Variants in ABHD16A observed in about 807,000 individuals in gnomAD.
ABHD16A encodes phosphatidylserine lipase ABHD16A.
A neutral mutation model predicts 89.8 loss-of-function variants in ABHD16A; 47 were observed. The ratio of observed to expected loss-of-function variants is 0.52; its 90% CI spans 0.41 to 0.67. The LOEUF (loss-of-function observed/expected upper bound fraction) is 0.67. Ranked by LOEUF, ABHD16A falls within the 30% of genes least tolerant of loss-of-function variation. ABHD16A has a pLI of 0.00. For synonymous variants in ABHD16A, 251 were observed against 280.4 expected, an observed-to-expected ratio of 0.90 and a Z score of 1.05; for missense variants, 580 against 734.6, an observed-to-expected ratio of 0.79 and a Z score of 2.43.
At chr6:31,694,543 C>T (rs1364397210) in intron 5 of ABHD16A, among the ~76,000 whole-genome samples, 1 of 152,036 alleles carries the variant, frequency 6.6e-6, no homozygotes, top group African/African-American at 2.4e-5. Context: ...GTGCCTGCCA[C>T]CACCATGCCC....
intron 2 of ABHD16A, 22 bp from the exon 3 acceptor site, chr6:31,701,362 A>C (rs780056038): frequency 6.4e-7 from 1 of 1,570,200 alleles, no homozygotes; most frequent in East Asian, 2.3e-5. Flanking sequence ...AGACAGGGAC[A>C]GGCAATCAAT....
chr6:31,700,963 C>A lies in ABHD16A; in HGVS notation c.322G>T (p.Ala108Ser). The A allele has an allele frequency of 1.2e-6, 2 of 1,613,962 alleles. No individual in the cohort carries two copies. Among genetic ancestry groups the A allele is most frequent in the Non-Finnish European group, 1.7e-6 (2 of 1,179,960 alleles). ...CTACCTCGGAGGCAGGCCACACCTG[C>A]CAGAAGTAGCAGCAATGTCCCAGCA... ...HYAGTLLLLL[A>S]GVACLRGIGR... Residue 108 changes from alanine to serine, a missense_variant, in exon 4 of 20, where the codon GCA (alanine) becomes TCA (serine). Around this residue, in one of 2 missense-constraint regions of ABHD16A, gnomAD observed 165 missense variants for 165.8 expected, o/e 1.00. Transcript: ENST00000395952.
chr6:31,688,558 G>A lies in ABHD16A; in HGVS notation c.1250+165C>T, dbSNP rs950125983. On this transcript the variant is annotated intron_variant, in intron 14 of 19. Coordinates refer to ENST00000395952, the MANE Select transcript of ABHD16A (RefSeq NM_021160.3). This position sits in a 1 kb window ranked among gnomAD's most constrained non-coding sequence, Gnocchi z 4.9. ...TCCTGAGGTGGTCCAGAGTCCCAGG[G>A]GACCTGGGAGGGGTTAGGCCAGTTG... 2.0e-5 allele frequency among the ~76,000 whole-genome samples: 3 copies of A among 152,220 alleles called. No individual in the cohort carries two copies. Among genetic ancestry groups the A allele is most frequent in the Admixed American group, 6.5e-5 (1 of 15,282 alleles).
rs1583678063 is a variant in ABHD16A at position 31,690,672 on chromosome 6, G to C, written c.844-70C>G. ...CTGAAAAACTCCCTTTGGGCAGGGA[G>C]GGCAGCCCATGAAGAGCTTTGCAGG... On this transcript the variant is annotated intron_variant, in intron 9 of 19. Coordinates refer to ENST00000395952, the MANE Select transcript of ABHD16A (RefSeq NM_021160.3). This position sits in a 1 kb window ranked among gnomAD's most constrained non-coding sequence, Gnocchi z 4.1. 8 of 1,423,002 alleles carry C rather than the reference G, an allele frequency of 5.6e-6. No homozygotes were observed. In the East Asian group the frequency reaches 1.8e-4, roughly 32 times the overall value. 88.1% of individuals were successfully genotyped at this position (1,423,002 alleles called of 1,614,324 possible).
rs1248158109 is a variant in ABHD16A at position 31,701,263 on chromosome 6, AC to A, written c.256+10del. Reference sequence around the variant, plus strand: ...CATTTGCTACCCCACCACCTTTGAAACCACACTGACCTTTCCTGTACAAGTA... The same window carrying A: ...CATTTGCTACCCCACCACCTTTGAAACACACTGACCTTTCCTGTACAAGTA... On this transcript the variant is annotated intron_variant, in intron 3 of 19. Transcript: ENST00000395952. 1 of 1,610,798 alleles carries A rather than the reference AC, an allele frequency of 6.2e-7. No individual in the cohort carries two copies. Among genetic ancestry groups the A allele is most frequent in the Non-Finnish European group, 8.5e-7 (1 of 1,177,440 alleles).
In ABHD16A at chr6:31,688,589, G is replaced by A. The variant is rs1803533635; in HGVS notation, c.1250+134C>T. On this transcript the variant is annotated intron_variant, in intron 14 of 19. Transcript: ENST00000395952. This position sits in a 1 kb window ranked among gnomAD's most constrained non-coding sequence, Gnocchi z 4.9. ...GGGAGGGGTTAGGCCAGTTGAGGTGGTGGCAGGGTCACTCAGGATGTGAGC... is the reference window on the plus strand; with the variant it reads ...GGGAGGGGTTAGGCCAGTTGAGGTGATGGCAGGGTCACTCAGGATGTGAGC... 9.2e-7 allele frequency: 1 copy of A among 1,082,920 alleles called. No homozygotes were observed. The highest frequency in any genetic ancestry group is 1.3e-6 in the Non-Finnish European group (1 of 745,262). 67.1% of individuals were successfully genotyped at this position (1,082,920 alleles called of 1,614,324 possible). A position where few individuals can be genotyped will look rare whatever the true frequency, so the allele number is the denominator to read the frequency against.
rs946278131 is a variant in ABHD16A at position 31,688,859 on chromosome 6, G to A, written c.1187-73C>T. The A allele has an allele frequency of 2.3e-5, 35 of 1,525,862 alleles. No individual in the cohort carries two copies. Among genetic ancestry groups the A allele is most frequent in the Non-Finnish European group, 3.0e-5 (33 of 1,114,760 alleles). 94.5% of individuals were successfully genotyped at this position (1,525,862 alleles called of 1,614,324 possible). ...CAACATAAAGGTCCTCACTATTCAC[G>A]GAGAAAGAAAACTGAGGCCCCCAGA... On this transcript the variant is annotated intron_variant, in intron 13 of 19. Transcript: ENST00000395952. This position sits in a 1 kb window ranked among gnomAD's most constrained non-coding sequence, Gnocchi z 4.9.
In ABHD16A at chr6:31,693,092, G is replaced by A. The variant is rs373511959; in HGVS notation, c.561C>T (p.Pro187=). 17 of 1,614,050 alleles carry A rather than the reference G, an allele frequency of 1.1e-5. No homozygotes were observed. In the African/African-American group the frequency reaches 1.6e-4, roughly 15 times the overall value. ...GGGTGTCTGCTGTCCCCCGGTGCAG[G>A]GGCTCTGGGCGAAGCAGGGCCACAC... ...RRGVALLRPE[P]LHRGTADTLL... is the part of the protein sequence containing the mutation. Residue 187 remains proline, a synonymous_variant, in exon 7 of 20, where the codon CCC becomes CCT. Transcript: ENST00000395952. The surrounding 1 kb of genome is among the most constrained non-coding windows in gnomAD (Gnocchi z 5.0).
Position 31,688,862 on chromosome 6 carries a change from G to C in ABHD16A, c.1187-76C>G. On this transcript the variant is annotated intron_variant, in intron 13 of 19. Transcript: ENST00000395952. This position sits in a 1 kb window ranked among gnomAD's most constrained non-coding sequence, Gnocchi z 4.9. ...CATAAAGGTCCTCACTATTCACGGAGAAAGAAAACTGAGGCCCCCAGACAA... is the reference window on the plus strand; with the variant it reads ...CATAAAGGTCCTCACTATTCACGGACAAAGAAAACTGAGGCCCCCAGACAA... The C allele has an allele frequency of 1.3e-6, 2 of 1,513,918 alleles. No individual in the cohort carries two copies. The highest frequency in any genetic ancestry group is 2.3e-5 in the South Asian group (2 of 86,192). The allele number at this position is 1,513,918 out of a possible 1,614,324, so 93.8% of individuals were successfully genotyped here.
At chr6:31,702,486 A>T in intron 1 of ABHD16A, 1 of 984,596 alleles carries the variant, frequency 1.0e-6, no homozygotes, top group Non-Finnish European at 1.4e-6. Flanking sequence ...TAAGAAGGAA[A>T]GAAAAGCATC....
intron 5 of ABHD16A, among the ~76,000 whole-genome samples, chr6:31,695,105 G>T (rs1583697514): frequency 1.3e-5 from 2 of 152,198 alleles, no homozygotes; most frequent in Non-Finnish European, 2.9e-5. Context: ...GCTCCATAGT[G>T]TGGAGTAGCC....
rs775809662 is a variant in ABHD16A, at chr6:31,690,084, T to A, written c.951A>T (p.Gly317=). Residue 317 remains glycine, a synonymous_variant, in exon 11 of 20, where the codon GGA becomes GGT. Coordinates refer to ENST00000395952, the MANE Select transcript of ABHD16A (RefSeq NM_021160.3). The surrounding 1 kb of genome is among the most constrained non-coding windows in gnomAD (Gnocchi z 4.1). ...VLGWNHPGFA[G]STGVPFPQNE... ...ATTCCTGAGATGGTCTCACCGTGCT[T>A]CCAGCAAAGCCTGGATGATTCCAGC... is the stretch of plus-strand genomic sequence containing the variant. 5 of 1,598,436 alleles carry A rather than the reference T, an allele frequency of 3.1e-6. 1 individual carries two copies. In the South Asian group the frequency reaches 5.6e-5, roughly 18 times the overall value.
chr6:31,689,975 G>A, intron 11 of ABHD16A, 103 bp downstream of exon 11: 1 of 1,333,744 alleles, frequency 7.5e-7, no homozygotes, highest in Non-Finnish European at 1.0e-6. Context: ...AGGTGAGTGG[G>A]ACGCCTTCAA....
chr6:31,703,207 G>T lies in ABHD16A; in HGVS notation c.75C>A (p.Ala25=), dbSNP rs767766735. Residue 25 remains alanine (A), a synonymous_variant, in exon 1 of 20, where the codon GCC becomes GCA. Transcript: ENST00000395952. ...TTGGCGTCTCAGGGACGCTGGCCGG[G>T]GCCCTTTCAGAGTCCCTCTCCCGGT... ...KIYRERDSER[A]PASVPETPTA... 4 of 1,443,940 alleles carry T rather than the reference G, an allele frequency of 2.8e-6. No individual in the cohort carries two copies. The highest frequency in any genetic ancestry group is 3.7e-6 in the Non-Finnish European group (4 of 1,089,324). The allele number at this position is 1,443,940 out of a possible 1,614,324, so 89.4% of individuals were successfully genotyped here. A position where few individuals can be genotyped will look rare whatever the true frequency, so the allele number is the denominator to read the frequency against.
chr6:31,696,290 C>T (rs1196906934), intron 5 of ABHD16A, among the ~76,000 whole-genome samples: 1 of 150,762 alleles, frequency 6.6e-6, no homozygotes, highest in Non-Finnish European at 1.5e-5. Flanking sequence ...GAGATTGTAC[C>T]ACTATACTCC....
intron 4 of ABHD16A, among the ~76,000 whole-genome samples, chr6:31,699,879 G>T (rs1244261094): frequency 6.6e-6 from 1 of 152,064 alleles, no homozygotes; most frequent in South Asian, 2.1e-4. Context: ...GAATAGCTGG[G>T]ATTACAGGTG....
intron 7 of ABHD16A, chr6:31,692,202 C>T (rs142759013): frequency 1.1e-5 from 4 of 362,154 alleles, no homozygotes; most frequent in Middle Eastern, 1.5e-3. Flanking sequence ...ACTGTCTATA[C>T]ATAATAAGTA....
chr6:31,703,017 G>C, intron 1 of ABHD16A, 133 bp downstream of exon 1: 1 of 1,355,846 alleles, frequency 7.4e-7, no homozygotes, highest in Non-Finnish European at 9.5e-7. Context: ...AGCACACAGA[G>C]CGCAGATTTT....
Position 31,687,976 on chromosome 6 carries a change from C to T in ABHD16A, c.1370+65G>A. The T allele has an allele frequency of 6.2e-7, 1 of 1,612,310 alleles. No individual in the cohort carries two copies. Among genetic ancestry groups the T allele is most frequent in the Non-Finnish European group, 8.5e-7 (1 of 1,179,568 alleles). ...ATCCCTGAACCTTCCTCCCTCCTTC[C>T]CTGTGCTGGTATCAGTATCTGTGTG... On this transcript the variant is annotated intron_variant, in intron 16 of 19. Transcript: ENST00000395952. The surrounding 1 kb of genome is among the most constrained non-coding windows in gnomAD (Gnocchi z 6.3).
Sources: allele counts gnomAD v4.1 joint callset (sites outside exome capture counted in the v4.1 genomes callset), GRCh38; gene constraint gnomAD v4.1.1; regional missense constraint gnomAD v4.1.1; non-coding constraint Gnocchi (gnomAD v3.1); transcripts MANE v1.5; gene names NCBI Gene and HGNC (gene_info 2026-07-23, HGNC 2026-07-21).